Variants in GPC5 observed in about 807,000 individuals in gnomAD.
The protein encoded by GPC5 is glypican-5.
Under a neutral mutation model 53.9 loss-of-function variants are expected in GPC5, and 47 were observed. That is an observed-to-expected ratio of 0.87 (90% confidence interval 0.69 to 1.11). GPC5 has a LOEUF of 1.11. GPC5 is among the 50% of genes most tolerant of loss of function. The pLI is 0.00. For synonymous variants in GPC5, 286 were observed against 263.3 expected, an observed-to-expected ratio of 1.09 and a Z score of -0.84; for missense variants, 748 against 713.1, an observed-to-expected ratio of 1.05 and a Z score of -0.56.
chr13:92,160,922 T>A (rs1424773507), intron 7 of GPC5, among the ~76,000 whole-genome samples: 1 of 152,182 alleles, frequency 6.6e-6, no homozygotes, highest in East Asian at 1.9e-4. Flanking sequence ...CTGTAGGATA[T>A]GGTCAAGCGT....
intron 6 of GPC5, among the ~76,000 whole-genome samples, chr13:92,067,144 G>C (rs1188459743): frequency 6.6e-6 from 1 of 152,010 alleles, no homozygotes; most frequent in African/African-American, 2.4e-5. Flanking sequence ...CATTGCAAAA[G>C]TTTATGTAGC....
At chr13:91,583,695 T>G (rs2139104374) in intron 2 of GPC5, among the ~76,000 whole-genome samples, 1 of 152,252 alleles carries the variant, frequency 6.6e-6, no homozygotes, top group South Asian at 2.1e-4. Flanking sequence ...GAGACACCCT[T>G]GAAGAAAGAG....
chr13:91,652,556 CT>C (rs1279202893), intron 2 of GPC5, among the ~76,000 whole-genome samples: 3 of 152,124 alleles, frequency 2.0e-5, no homozygotes, highest in Non-Finnish European at 4.4e-5. Flanking sequence ...GGCTAAGCAA[CT>C]AAACGCAGGT....
At chr13:91,576,353 C>T (rs2139057481) in intron 2 of GPC5, among the ~76,000 whole-genome samples, 1 of 151,496 alleles carries the variant, frequency 6.6e-6, no homozygotes, top group Non-Finnish European at 1.5e-5. Context: ...ATCTGTTGTA[C>T]ACCACAAATA....
At chr13:91,978,454 A>C (rs1479780791) in intron 6 of GPC5, among the ~76,000 whole-genome samples, 1 of 152,326 alleles carries the variant, frequency 6.6e-6, no homozygotes, top group South Asian at 2.1e-4. Flanking sequence ...TAAGATTACT[A>C]CCAGTTGTGG....
intron 7 of GPC5, among the ~76,000 whole-genome samples, chr13:92,236,846 A>AT (rs71120077): frequency 0.58 from 86,814 of 149,666 alleles, 25,195 homozygotes; most frequent in South Asian, 0.64. Context: ...ATTTATCAGC[A>AT]TTTTTTTTTT....
chr13:92,614,463 T>C lies in GPC5; in HGVS notation c.1562-251819T>C, dbSNP rs143069992. ...AGATGCTCCTCCACTGAGGATGGAA[T>C]TATGTCCTGATAAATCTATCATAAA... On this transcript the variant is annotated intron_variant, in intron 7 of 7. Coordinates refer to ENST00000377067, the MANE Select transcript of GPC5 (RefSeq NM_004466.6). 8.4e-4 allele frequency among the ~76,000 whole-genome samples: 128 copies of C among 152,342 alleles called. 1 individual carries two copies. Among genetic ancestry groups the C allele is most frequent in the African/African-American group, 2.9e-3 (119 of 41,576 alleles).
At chr13:92,437,632 C>T (rs1877364354) in intron 7 of GPC5, among the ~76,000 whole-genome samples, 1 of 152,078 alleles carries the variant, frequency 6.6e-6, no homozygotes, top group South Asian at 2.1e-4. Context: ...TTTTCTATTA[C>T]TTCCATAATA....
intron 2 of GPC5, among the ~76,000 whole-genome samples, chr13:91,557,496 C>T (rs996188440): frequency 2.0e-5 from 3 of 152,086 alleles, no homozygotes; most frequent in East Asian, 3.9e-4. Flanking sequence ...GTTGCTGACC[C>T]GGAGAGGGCT....
chr13:92,588,524 T>C (rs1430846067), intron 7 of GPC5, among the ~76,000 whole-genome samples: 1 of 152,188 alleles, frequency 6.6e-6, no homozygotes, highest in African/African-American at 2.4e-5. Flanking sequence ...ATAAGCCCTT[T>C]TGAATAGCTC....
chr13:91,552,288 A>G (rs2030684843), intron 2 of GPC5, among the ~76,000 whole-genome samples: 1 of 151,956 alleles, frequency 6.6e-6, no homozygotes, highest in African/African-American at 2.4e-5. Flanking sequence ...AGTTTATGGC[A>G]TAGTTGTGCA....
chr13:92,022,448 T>G (rs944997658), intron 6 of GPC5, among the ~76,000 whole-genome samples: 1 of 152,184 alleles, frequency 6.6e-6, no homozygotes, highest in Non-Finnish European at 1.5e-5. Context: ...GTTGGCTTCC[T>G]TTGCTTGTAA....
At chr13:92,006,592 T>C (rs1176881502) in intron 6 of GPC5, among the ~76,000 whole-genome samples, 2 of 152,194 alleles carry the variant, frequency 1.3e-5, no homozygotes, top group African/African-American at 4.8e-5. Flanking sequence ...CCAAGTAAAC[T>C]CTTGATCTTG....
intron 7 of GPC5, among the ~76,000 whole-genome samples, chr13:92,770,414 CAAAAAAAAAAA>C (rs34087505): frequency 2.6e-5 from 2 of 76,892 alleles, no homozygotes; most frequent in African/African-American, 6.0e-5. Context: ...GACCCTGTCT[CAAAAAAAAAAA>C]AAAAAAAAAA....
intron 5 of GPC5, among the ~76,000 whole-genome samples, chr13:91,890,058 A>G (rs1024584905): frequency 6.6e-6 from 1 of 152,186 alleles, no homozygotes. Context: ...AGGTATTCAA[A>G]GAAAAAATGT....
intron 4 of GPC5, among the ~76,000 whole-genome samples, chr13:91,746,511 G>A (rs1467826193): frequency 6.6e-6 from 1 of 152,064 alleles, no homozygotes; most frequent in African/African-American, 2.4e-5. Flanking sequence ...AAAAAAGAGG[G>A]GTGCAATATA....
At chr13:92,658,719 G>A (rs1886220717) in intron 7 of GPC5, among the ~76,000 whole-genome samples, 1 of 152,082 alleles carries the variant, frequency 6.6e-6, no homozygotes, top group African/African-American at 2.4e-5. Context: ...AAAGCATAAG[G>A]AAATAGAGAT....
intron 7 of GPC5, among the ~76,000 whole-genome samples, chr13:92,244,377 G>A (rs9589458): frequency 0.01 from 1,585 of 152,172 alleles, 30 homozygotes; most frequent in African/African-American, 0.036. Context: ...AGAGTGTAAC[G>A]AAACCTCATA....
At chr13:92,589,032 G>A (rs911865907) in intron 7 of GPC5, among the ~76,000 whole-genome samples, 1 of 152,156 alleles carries the variant, frequency 6.6e-6, no homozygotes, top group Non-Finnish European at 1.5e-5. Context: ...TGTCTCAAGG[G>A]AAGAAAAACA....
Sources: allele counts gnomAD v4.1 joint callset (sites outside exome capture counted in the v4.1 genomes callset), GRCh38; gene constraint gnomAD v4.1.1; transcripts MANE v1.5; gene names NCBI Gene and HGNC (gene_info 2026-07-23, HGNC 2026-07-21).